Variants in DNMT3A observed in about 807,000 individuals in gnomAD.
DNMT3A encodes DNA methyltransferase 3 alpha.
In DNMT3A, 267 loss-of-function variants were observed where a neutral mutation model predicts 117.6. That is an observed-to-expected ratio of 2.27 (90% CI 2.05 to 2.51). DNMT3A has a LOEUF of 2.51. DNMT3A is among the 30% of genes most tolerant of loss of function. DNMT3A has a pLI of 0.00. For missense variants in DNMT3A, 1,029 were observed against 1,260.2 expected (o/e 0.82, Z 2.78); for synonymous variants, 432 against 474.8 (o/e 0.91, Z 1.17).
intron 1 of DNMT3A, among the ~76,000 whole-genome samples, chr2:25,319,225 A>G (rs1000938993): frequency 2.6e-5 from 4 of 151,998 alleles, no homozygotes; most frequent in South Asian, 2.1e-4. Flanking sequence ...CATGTTAGCC[A>G]GGATGGTCTC....
In DNMT3A at chr2:25,288,499, A is replaced by G. The variant is rs189832002; in HGVS notation, c.178-5788T>C. On this transcript the variant is annotated intron_variant, in intron 3 of 22. Transcript: ENST00000321117. ...GCTAACTTTTGTATTTTTAGTAGAG[A>G]TGGGATTTCACCATCTTGGCCAGGC... Among the ~76,000 whole-genome samples, 295 of 151,724 alleles carry G rather than the reference A, an allele frequency of 1.9e-3. 5 individuals carry two copies. The highest frequency in any genetic ancestry group is 5.7e-4 in the Non-Finnish European group (39 of 67,936).
Position 25,293,577 on chromosome 2 carries a change from C to T in DNMT3A, c.177+6562G>A, listed in dbSNP as rs2032913546. Among the ~76,000 whole-genome samples, 2 of 152,188 alleles carry T rather than the reference C, an allele frequency of 1.3e-5. No individual in the cohort carries two copies. Among genetic ancestry groups the T allele is most frequent in the Non-Finnish European group, 2.9e-5 (2 of 68,036 alleles). ...AATTATGGCTCACTGCAGCCTCAAC[C>T]TCCCGGGGTCAAGAGATCCTCCTGC... On this transcript the variant is annotated intron_variant, in intron 3 of 22. Coordinates refer to ENST00000321117, the MANE Select transcript of DNMT3A (RefSeq NM_022552.5). The surrounding 1 kb of genome is among the most constrained non-coding windows in gnomAD (Gnocchi z 4.7).
intron 1 of DNMT3A, among the ~76,000 whole-genome samples, chr2:25,330,690 C>T (rs1475058462): frequency 1.3e-5 from 2 of 152,230 alleles, no homozygotes; most frequent in East Asian, 1.9e-4. Context: ...GCACACTGAG[C>T]CAGCTACAGG....
Position 25,305,837 on chromosome 2 carries a change from C to T in DNMT3A, c.73-5594G>A, listed in dbSNP as rs758679932. On this transcript the variant is annotated intron_variant, in intron 2 of 22. Transcript: ENST00000321117. The surrounding 1 kb of genome is among the most constrained non-coding windows in gnomAD (Gnocchi z 4.1). ...CCCTCCCCACAAGAGATTTATGTCT[C>T]TTGAGGCCCTCACCTAGAGACAGCC... 8.5e-5 allele frequency among the ~76,000 whole-genome samples: 13 copies of T among 152,208 alleles called. No individual in the cohort carries two copies. The highest frequency in any genetic ancestry group is 1.8e-4 in the Non-Finnish European group (12 of 68,030).
At chr2:25,235,037 C>T (rs980970762) in intron 22 of DNMT3A, among the ~76,000 whole-genome samples, 1 of 152,130 alleles carries the variant, frequency 6.6e-6, no homozygotes, top group South Asian at 2.1e-4. Flanking sequence ...GTTGAGGCTG[C>T]GAGGTCTGCC....
chr2:25,341,801 G>A (rs1451369562), intron 1 of DNMT3A, 25 bp downstream of exon 1: 2 of 979,502 alleles, frequency 2.0e-6, no homozygotes, highest in African/African-American at 3.5e-5. Context: ...CGGCCTTCCG[G>A]GCCGCCAGCA....
chr2:25,250,351 T>C (rs1675362150), intron 6 of DNMT3A, among the ~76,000 whole-genome samples: 2 of 152,232 alleles, frequency 1.3e-5, no homozygotes, highest in Admixed American at 1.3e-4. Context: ...TAAGTCCTAG[T>C]TCTTCCTCTG....
At chr2:25,268,026 G>T (rs2030518313) in intron 6 of DNMT3A, among the ~76,000 whole-genome samples, 1 of 152,128 alleles carries the variant, frequency 6.6e-6, no homozygotes, top group East Asian at 1.9e-4. Context: ...GCCTCCAAAG[G>T]TCGCAGTAAA....
In DNMT3A at chr2:25,230,803, G is replaced by A. The variant is rs1389317169; in HGVS notation, c.*3476C>T. 1 of 141,006 alleles carries A rather than the reference G, an allele frequency of 7.1e-6. No homozygotes were observed. Among genetic ancestry groups the A allele is most frequent in the Non-Finnish European group, 1.5e-5 (1 of 64,834 alleles). The allele number at this position is 141,006 out of a possible 1,614,324, so 8.7% of individuals were successfully genotyped here. A position where few individuals can be genotyped will look rare whatever the true frequency, so the allele number is the denominator to read the frequency against. ...CTCGTCCCTGCAAGGGGGGGGGGGG[G>A]GGGGCCATGACCCCTGGGGCATCTG... is the stretch of plus-strand genomic sequence containing the variant. On this transcript the variant is annotated 3_prime_UTR_variant, in exon 23 of 23. Coordinates refer to ENST00000321117, the MANE Select transcript of DNMT3A (RefSeq NM_022552.5).
rs910975036 is a variant in DNMT3A at position 25,311,226 on chromosome 2, G to A, written c.72+2687C>T. Among the ~76,000 whole-genome samples, 12 of 152,166 alleles carry A rather than the reference G, an allele frequency of 7.9e-5. No homozygotes were observed. Among genetic ancestry groups the A allele is most frequent in the African/African-American group, 2.7e-4 (11 of 41,444 alleles). The stretch of plus-strand genomic sequence containing the variant: ...TGGTTGGCCACACCCCTTCCATCTG[G>A]CTTGCCAAACAGTTCCTTTGTGCAC... On this transcript the variant is annotated intron_variant, in intron 2 of 22. Coordinates refer to ENST00000321117, the MANE Select transcript of DNMT3A (RefSeq NM_022552.5). This position sits in a 1 kb window ranked among gnomAD's most constrained non-coding sequence, Gnocchi z 5.2.
At position 25,300,122 on chromosome 2, in the gene DNMT3A, T is replaced by G; in HGVS notation, c.177+17A>C. Reference sequence around the variant, plus strand: ...TTGTGTGTGTGCACAGGAGGGTGTGTAGGATGTGACACTCACCGGGGGGTG... The same window carrying G: ...TTGTGTGTGTGCACAGGAGGGTGTGGAGGATGTGACACTCACCGGGGGGTG... On this transcript the variant is annotated intron_variant, in intron 3 of 22. Transcript: ENST00000321117. 6.2e-7 allele frequency: 1 copy of G among 1,611,882 alleles called. No individual in the cohort carries two copies. The highest frequency in any genetic ancestry group is 8.5e-7 in the Non-Finnish European group (1 of 1,179,056).
intron 6 of DNMT3A, among the ~76,000 whole-genome samples, chr2:25,263,310 C>G (rs1292235424): frequency 6.6e-6 from 1 of 152,062 alleles, no homozygotes; most frequent in Non-Finnish European, 1.5e-5. Context: ...CTCTCATGCT[C>G]CTTTATGCTT....
At chr2:25,328,762 G>A (rs1405133382) in intron 1 of DNMT3A, 5 of 478,872 alleles carry the variant, frequency 1.0e-5, no homozygotes, top group East Asian at 6.3e-5. Context: ...AAGGCACTGC[G>A]TCAGTGGAAA....
At chr2:25,291,876 C>T (rs2149394182) in intron 3 of DNMT3A, among the ~76,000 whole-genome samples, 1 of 152,366 alleles carries the variant, frequency 6.6e-6, no homozygotes, top group South Asian at 2.1e-4. Flanking sequence ...AGCGGGGACA[C>T]TGGTCCACCT....
intron 6 of DNMT3A, among the ~76,000 whole-genome samples, chr2:25,269,328 GACAA>G (rs1388766895): frequency 1.3e-5 from 2 of 152,122 alleles, no homozygotes; most frequent in African/African-American, 2.4e-5. Context: ...AACTGTCTCA[GACAA>G]ACAAACAAAC....
chr2:25,334,426 C>T (rs2035130992), intron 1 of DNMT3A, among the ~76,000 whole-genome samples: 1 of 152,164 alleles, frequency 6.6e-6, no homozygotes, highest in African/African-American at 2.4e-5. Flanking sequence ...CTTTGTCTCC[C>T]TTGGGTGTGG....
In DNMT3A at chr2:25,257,994, A is replaced by G. The variant is rs1194755476; in HGVS notation, c.640-9742T>C. 6.6e-6 allele frequency among the ~76,000 whole-genome samples: 1 copy of G among 152,230 alleles called. No homozygotes were observed. Among genetic ancestry groups the G allele is most frequent in the African/African-American group, 2.4e-5 (1 of 41,460 alleles). On this transcript the variant is annotated intron_variant, in intron 6 of 22. Transcript: ENST00000321117. This position sits in a 1 kb window ranked among gnomAD's most constrained non-coding sequence, Gnocchi z 4.8. ...AGATGGAGGTCAGCTCCCTCGGGGC[A>G]TGCGTCCCAGGTGAGCCCTCCTCTG...
At position 25,294,622 on chromosome 2, in the gene DNMT3A, C is replaced by T. The variant is rs1191930119; in HGVS notation, c.177+5517G>A. Reference sequence around the variant, plus strand: ...GCAGGGCTGCTGAGCTCTGTCTTAACTTGGAGAAGAATCAAAGGTCCTATC... The same window carrying T: ...GCAGGGCTGCTGAGCTCTGTCTTAATTTGGAGAAGAATCAAAGGTCCTATC... On this transcript the variant is annotated intron_variant, in intron 3 of 22. Transcript: ENST00000321117. The surrounding 1 kb of genome is among the most constrained non-coding windows in gnomAD (Gnocchi z 4.7). Among the ~76,000 whole-genome samples, 1 of 152,232 alleles carries T rather than the reference C, an allele frequency of 6.6e-6. No homozygotes were observed. Among genetic ancestry groups the T allele is most frequent in the East Asian group, 1.9e-4 (1 of 5,204 alleles).
chr2:25,318,411 C>T (rs1451323384), intron 1 of DNMT3A, among the ~76,000 whole-genome samples: 2 of 152,084 alleles, frequency 1.3e-5, no homozygotes, highest in Non-Finnish European at 2.9e-5. Flanking sequence ...CTCAGCCTCC[C>T]GAGTAGCTGG....
Sources: gnomAD v4.1 joint callset for allele counts (sites outside exome capture counted in the v4.1 genomes callset) on GRCh38, gnomAD v4.1.1 for gene constraint, Gnocchi (gnomAD v3.1) non-coding constraint, MANE v1.5 for transcripts, NCBI Gene and HGNC (gene_info 2026-07-23, HGNC 2026-07-21) for gene names.